The following CYFIP2 variants were observed in gnomAD, a reference collection of about 807,000 sequenced individuals.
CYFIP2 encodes cytoplasmic FMR1-interacting protein 2.
In CYFIP2, 29 loss-of-function variants were observed where a neutral mutation model predicts 158.7. That is an observed-to-expected ratio of 0.18 (90% CI 0.14 to 0.25). The LOEUF (loss-of-function observed/expected upper bound fraction) is 0.25. Among genes scored for constraint, CYFIP2 ranks in the 10% least tolerant of loss-of-function variants. The probability of loss-of-function intolerance (pLI) is 1.00; values close to 1 mark genes in which losing one functional copy is unlikely to be tolerated. For synonymous variants in CYFIP2, 585 were observed against 617.6 expected, an observed-to-expected ratio of 0.95 and a Z score of 0.78; for missense variants, 852 against 1,639.5, an observed-to-expected ratio of 0.52 and a Z score of 8.29.
Position 157,311,330 on chromosome 5 carries a change from G to A in CYFIP2, c.993-334G>A, listed in dbSNP as rs1759703188. On this transcript the variant is annotated intron_variant, in intron 10 of 30. Transcript: ENST00000620254. The surrounding 1 kb of genome is among the most constrained non-coding windows in gnomAD (Gnocchi z 4.7). ...GGAGGTTGCCCACCTTGCTTTTTCT[G>A]TGCTCAGATTCCATCCCTTTGTAGT... The A allele has an allele frequency of 2.5e-6, 1 of 393,026 alleles. No individual in the cohort carries two copies. The allele number at this position is 393,026 out of a possible 1,614,324, so 24.3% of individuals were successfully genotyped here.
rs146120092 is a variant in CYFIP2, at chr5:157,367,377, T to G, written c.3039+5779T>G. Among the ~76,000 whole-genome samples the G allele has an allele frequency of 6.4e-3, 976 of 152,320 alleles. 14 individuals are homozygous for G. Among genetic ancestry groups the G allele is most frequent in the African/African-American group, 0.022 (919 of 41,570 alleles). On this transcript the variant is annotated intron_variant, in intron 26 of 30. Transcript: ENST00000620254. ...TCCTTAGGAGGGTAAAACCTCCCCC[T>G]GTTGGAAACTGCTCATCTAGTGCAA...
intron 28 of CYFIP2, among the ~76,000 whole-genome samples, chr5:157,386,623 T>C (rs762874786): frequency 6.6e-6 from 1 of 152,186 alleles, no homozygotes; most frequent in Non-Finnish European, 1.5e-5. Context: ...CACGATGTTA[T>C]GTATAAGGAT....
chr5:157,282,801 A>G (rs762871039), intron 1 of CYFIP2, among the ~76,000 whole-genome samples: 2 of 152,252 alleles, frequency 1.3e-5, no homozygotes, highest in South Asian at 2.1e-4. Flanking sequence ...CGATCTAATC[A>G]GTGAGAAATG....
At position 157,341,063 on chromosome 5, in the gene CYFIP2, C is replaced by T. The variant is rs770185807; in HGVS notation, c.2586-7C>T. ...TTAACTCTTTCCCATCCCTATGCTT[C>T]TACTAGTTTTGTGCGGACTGCCATT... On this transcript the variant is annotated splice_region_variant and splice_polypyrimidine_tract_variant and intron_variant, in intron 22 of 30. Transcript: ENST00000620254. 8.7e-6 allele frequency: 14 copies of T among 1,613,326 alleles called. No individual in the cohort carries two copies. The highest frequency in any genetic ancestry group is 1.6e-4 in the Middle Eastern group (1 of 6,082).
At position 157,380,783 on chromosome 5, in the gene CYFIP2, A is replaced by G. The variant is rs75835849; in HGVS notation, c.3040-1807A>G. ...ATCCAATGTAATTCACCATGTGAAT[A>G]TGAAAGATTAGCCTGAATGATCAGT... On this transcript the variant is annotated intron_variant, in intron 26 of 30. Coordinates refer to ENST00000620254, the MANE Select transcript of CYFIP2 (RefSeq NM_001037333.3). 6.6e-5 allele frequency among the ~76,000 whole-genome samples: 10 copies of G among 152,362 alleles called. No individual in the cohort carries two copies. The East Asian group carries it at 1.5e-3, about 23-fold the overall frequency.
At chr5:157,357,814 G>A (rs1213780027) in intron 23 of CYFIP2, among the ~76,000 whole-genome samples, 1 of 151,784 alleles carries the variant, frequency 6.6e-6, no homozygotes. Flanking sequence ...GGGCGACAGA[G>A]CAAGAATCTG....
chr5:157,330,602 A>G, intron 19 of CYFIP2, 140 bp from the exon 20 acceptor site: 1 of 616,340 alleles, frequency 1.6e-6, no homozygotes, highest in Non-Finnish European at 2.8e-6. Flanking sequence ...TAACTTGTCT[A>G]GAGCAGAAAA....
At position 157,373,304 on chromosome 5, in the gene CYFIP2, C is replaced by T. The variant is rs530160847; in HGVS notation, c.3040-9286C>T. 2.6e-5 allele frequency among the ~76,000 whole-genome samples: 4 copies of T among 152,356 alleles called. No homozygotes were observed. In the East Asian group the frequency reaches 5.8e-4, roughly 22 times the overall value. On this transcript the variant is annotated intron_variant, in intron 26 of 30. Transcript: ENST00000620254. ...TGCATCAGGGCAAGACTGAATCCCA[C>T]TGTCCTTGGCTTCTACCTTAAGGCT...
intron 3 of CYFIP2, among the ~76,000 whole-genome samples, chr5:157,293,729 T>C (rs1350160470): frequency 6.6e-6 from 1 of 152,210 alleles, no homozygotes; most frequent in African/African-American, 2.4e-5. Flanking sequence ...ACCAATTCAC[T>C]GAGACAGTGG....
At chr5:157,304,059 A>T (rs1249346350) in intron 7 of CYFIP2, among the ~76,000 whole-genome samples, 179 bp from the exon 8 acceptor site, 2 of 152,092 alleles carry the variant, frequency 1.3e-5, no homozygotes, top group East Asian at 3.9e-4. Context: ...TACTGTGGGG[A>T]CATCAAGGAG....
At chr5:157,366,087 ATG>A (rs1272167994) in intron 26 of CYFIP2, among the ~76,000 whole-genome samples, 3 of 152,182 alleles carry the variant, frequency 2.0e-5, no homozygotes, top group Non-Finnish European at 4.4e-5. Context: ...TCAGCAGTGT[ATG>A]AGAGTTATCA....
At chr5:157,384,939 CAAAAAAAAAAAA>C (rs34749971) in intron 28 of CYFIP2, 6,403 of 64,214 alleles carry the variant, frequency 0.1, 274 homozygotes, top group South Asian at 0.25. Flanking sequence ...GACTCCATCT[CAAAAAAAAAAAA>C]AAAAAAAAAA....
At chr5:157,364,210 G>T (rs990342612) in intron 26 of CYFIP2, 2 of 144,214 alleles carry the variant, frequency 1.4e-5, no homozygotes, top group Admixed American at 6.8e-5. Flanking sequence ...GTGGCGGGGG[G>T]GGGTGGGTCC....
chr5:157,338,683 T>C (rs1301125829), intron 21 of CYFIP2, among the ~76,000 whole-genome samples: 1 of 152,210 alleles, frequency 6.6e-6, no homozygotes, highest in African/African-American at 2.4e-5. Flanking sequence ...AACCCTTAAT[T>C]AGTGGTAGCT....
intron 6 of CYFIP2, among the ~76,000 whole-genome samples, chr5:157,301,703 C>T (rs1200687400): frequency 1.5e-4 from 23 of 152,084 alleles, no homozygotes; most frequent in Admixed American, 1.4e-3. Flanking sequence ...CCACAGCAGG[C>T]AGATGACTTA....
intron 28 of CYFIP2, among the ~76,000 whole-genome samples, chr5:157,387,749 A>G (rs1039178708): frequency 5.9e-5 from 9 of 151,880 alleles, no homozygotes; most frequent in South Asian, 2.1e-4. Context: ...CTCTGCTCCC[A>G]AGCTGTTCCT....
chr5:157,284,129 C>T (rs1257292228), intron 1 of CYFIP2, among the ~76,000 whole-genome samples: 1 of 151,964 alleles, frequency 6.6e-6, no homozygotes, highest in African/African-American at 2.4e-5. Flanking sequence ...TTTTGCTTTG[C>T]TTTTTGCTTT....
chr5:157,383,971 T>A (rs1043088031), intron 28 of CYFIP2, among the ~76,000 whole-genome samples: 3 of 152,214 alleles, frequency 2.0e-5, no homozygotes, highest in African/African-American at 7.2e-5. Flanking sequence ...TGGCTTTTTT[T>A]AAATGCACAC....
intron 23 of CYFIP2, among the ~76,000 whole-genome samples, chr5:157,355,142 T>C (rs1269125154): frequency 2.0e-5 from 3 of 147,362 alleles, no homozygotes; most frequent in African/African-American, 7.7e-5. Context: ...ATGATGTTCT[T>C]AATGTTGAAT....
Sources: allele counts gnomAD v4.1 joint callset (sites outside exome capture counted in the v4.1 genomes callset), GRCh38; gene constraint gnomAD v4.1.1; non-coding constraint Gnocchi (gnomAD v3.1); transcripts MANE v1.5; gene names NCBI Gene and HGNC (gene_info 2026-07-23, HGNC 2026-07-21).